SNX4: variants seen among roughly 807,000 people sequenced by gnomAD.
SNX4 encodes sorting nexin 4, also known as sorting nexin-4.
Under a neutral mutation model 70.8 loss-of-function variants are expected in SNX4, and 49 were observed. That is an observed-to-expected ratio of 0.69 (90% CI 0.55 to 0.88). The LOEUF (loss-of-function observed/expected upper bound fraction) is 0.88. Among genes scored for constraint, SNX4 ranks in the 40% least tolerant of loss-of-function variants. The probability of loss-of-function intolerance (pLI) is 0.00; values close to 1 mark genes in which losing one functional copy is unlikely to be tolerated. For missense variants in SNX4, 528 were observed against 544.8 expected, an observed-to-expected ratio of 0.97 and a Z score of 0.31; for synonymous variants, 206 against 183.8, an observed-to-expected ratio of 1.12 and a Z score of -0.98.
chr3:125,449,638 G>A (rs1933525046), intron 13 of SNX4, among the ~76,000 whole-genome samples: 1 of 152,086 alleles, frequency 6.6e-6, no homozygotes, highest in African/African-American at 2.4e-5. Context: ...TAAACTTTTT[G>A]TTTTACTAGT....
Position 125,480,273 on chromosome 3 carries a change from T to C in SNX4, c.700A>G (p.Ile234Val). The change falls in exon 7 of 14, where the codon ATC becomes GTC. Residue 234 changes from isoleucine (I) to valine (V), a missense_variant. This residue lies in a region of SNX4 where 341 missense variants were observed against 312.2 expected (regional missense o/e 1.09). Coordinates refer to ENST00000251775, the MANE Select transcript of SNX4 (RefSeq NM_003794.4). ...GCTCTGACTCGAAGAAGATGTGAGA[T>C]GACAGACTGCAGTTCATCACTATAG... ...KHYSDELQSVISHLLRVRARV... is the reference protein window; with the variant it reads ...KHYSDELQSVVSHLLRVRARV... 2 of 1,568,932 alleles carry C rather than the reference T, an allele frequency of 1.3e-6. No homozygotes were observed. Among genetic ancestry groups the C allele is most frequent in the Admixed American group, 1.8e-5 (1 of 55,112 alleles).
At chr3:125,487,134 T>A (rs1934549427) in intron 6 of SNX4, among the ~76,000 whole-genome samples, 1 of 152,008 alleles carries the variant, frequency 6.6e-6, no homozygotes, top group Non-Finnish European at 1.5e-5. Flanking sequence ...CAAAACTATT[T>A]TAGTAATATA....
rs71148180 is a variant in SNX4 at position 125,458,814 on chromosome 3, C to CAAA, written c.945-1452_945-1450dup. Among the ~76,000 whole-genome samples, 42 of 64,518 alleles carry CAAA rather than the reference C, an allele frequency of 6.5e-4. 3 individuals carry two copies. The highest frequency in any genetic ancestry group is 2.4e-3 in the African/African-American group (38 of 15,858). 42.3% of individuals were successfully genotyped at this position (64,518 alleles called of 152,430 possible). ...TGGGTGAAAGAGCGAGACTCCGTCT[C>CAAA]AAAAAAAAAAAAAAAAAAAAAAAAA... is the stretch of plus-strand genomic sequence containing the variant. On this transcript the variant is annotated intron_variant, in intron 10 of 13. Transcript: ENST00000251775.
At chr3:125,482,009 C>T (rs772513389) in intron 6 of SNX4, among the ~76,000 whole-genome samples, 7 of 152,232 alleles carry the variant, frequency 4.6e-5, no homozygotes, top group African/African-American at 7.2e-5. Context: ...GCTGAGACTA[C>T]ATATGGGCAT....
intron 8 of SNX4, among the ~76,000 whole-genome samples, chr3:125,473,318 A>G (rs1264501323): frequency 1.3e-5 from 2 of 152,048 alleles, no homozygotes; most frequent in Non-Finnish European, 2.9e-5. Context: ...TTATTCCTAG[A>G]TCACTAGGAC....
At chr3:125,470,530 T>C (rs1040452768) in intron 8 of SNX4, among the ~76,000 whole-genome samples, 6 of 151,332 alleles carry the variant, frequency 4.0e-5, no homozygotes, top group Non-Finnish European at 7.4e-5. Context: ...TGTGTACAAT[T>C]TCAGAGACTT....
At position 125,457,310 on chromosome 3, in the gene SNX4, C is replaced by A; in HGVS notation, c.1000G>T (p.Asp334Tyr). The part of the protein sequence containing the change: ...MQYDLEMAAQ[D>Y]LASKKQQCEE... ...CACTGCTGCTTCTTGGATGCTAAGT[C>A]CTGAGCAGCCATCTCCAAGTCATAC... The change falls in exon 11 of 14, where the codon GAC (aspartate) becomes TAC (tyrosine). Residue 334 changes from aspartate to tyrosine, a missense_variant. Transcript: ENST00000251775. 1 of 1,614,038 alleles carries A rather than the reference C, an allele frequency of 6.2e-7. No individual in the cohort carries two copies. The highest frequency in any genetic ancestry group is 8.5e-7 in the Non-Finnish European group (1 of 1,179,940).
chr3:125,516,431 T>C (rs1935278737), intron 1 of SNX4, among the ~76,000 whole-genome samples: 2 of 152,234 alleles, frequency 1.3e-5, no homozygotes, highest in African/African-American at 4.8e-5. Flanking sequence ...TAAAGAATCC[T>C]GATCAGTGGT....
chr3:125,485,151 T>C (rs368660674), intron 6 of SNX4, among the ~76,000 whole-genome samples: 1 of 152,014 alleles, frequency 6.6e-6, no homozygotes, highest in South Asian at 2.1e-4. Context: ...GAGGCTGAGA[T>C]GGGAGGATCA....
intron 7 of SNX4, among the ~76,000 whole-genome samples, chr3:125,477,471 C>T (rs1229762466): frequency 6.6e-6 from 1 of 152,042 alleles, no homozygotes; most frequent in Admixed American, 6.6e-5. Flanking sequence ...TTTACGTTCC[C>T]CCAAAGCATT....
intron 1 of SNX4, among the ~76,000 whole-genome samples, chr3:125,506,662 A>C (rs900891417): frequency 1.3e-5 from 2 of 151,302 alleles, no homozygotes; most frequent in Non-Finnish European, 3.0e-5. Context: ...ATGTTGTCCA[A>C]GCTTGTCTTG....
chr3:125,509,994 G>A (rs927622026), intron 1 of SNX4, among the ~76,000 whole-genome samples: 9 of 152,100 alleles, frequency 5.9e-5, no homozygotes, highest in Non-Finnish European at 1.0e-4. Context: ...TGGAACCCTC[G>A]TGCCCTATTG....
At position 125,448,564 on chromosome 3, in the gene SNX4, C is replaced by T. The variant is rs150760725; in HGVS notation, c.1306-738G>A. ...TAATTATGTACTAAATTACTGAATC[C>T]CTCTTAGTACCTGAAGTTACTTAGC... On this transcript the variant is annotated intron_variant, in intron 13 of 13. Transcript: ENST00000251775. 1.7e-3 allele frequency among the ~76,000 whole-genome samples: 258 copies of T among 151,818 alleles called. 1 individual carries two copies. The highest frequency in any genetic ancestry group is 5.7e-3 in the African/African-American group (235 of 41,454).
chr3:125,447,896 G>C, intron 13 of SNX4, 70 bp from the exon 14 acceptor site: 1 of 950,922 alleles, frequency 1.1e-6, no homozygotes, highest in South Asian at 1.6e-5. Flanking sequence ...ACTTGGCTTA[G>C]TGGTACACTA....
chr3:125,500,442 T>C (rs1453049882), intron 2 of SNX4, among the ~76,000 whole-genome samples: 1 of 152,174 alleles, frequency 6.6e-6, no homozygotes, highest in Non-Finnish European at 1.5e-5. Flanking sequence ...TATTCAATCT[T>C]AGCCCACTAA....
chr3:125,519,030 T>A (rs73191142), intron 1 of SNX4, among the ~76,000 whole-genome samples: 10,402 of 150,940 alleles, frequency 0.069, 407 homozygotes, highest in East Asian at 0.11. Context: ...ATAAATAAAT[T>A]AATTAATTAA....
At chr3:125,451,595 A>T (rs1042069506) in intron 12 of SNX4, among the ~76,000 whole-genome samples, 176 bp from the exon 13 acceptor site, 1 of 152,120 alleles carries the variant, frequency 6.6e-6, no homozygotes, top group Non-Finnish European at 1.5e-5. Flanking sequence ...AAAAGCAAAC[A>T]GACAGTCATA....
intron 9 of SNX4, among the ~76,000 whole-genome samples, chr3:125,468,334 C>G (rs1036907250): frequency 2.6e-5 from 4 of 152,242 alleles, no homozygotes; most frequent in Middle Eastern, 3.4e-3. Context: ...ACACCAAATC[C>G]CCATGTCAGG....
chr3:125,503,171 T>C (rs762225189), intron 2 of SNX4, among the ~76,000 whole-genome samples: 5 of 152,220 alleles, frequency 3.3e-5, no homozygotes, highest in South Asian at 2.1e-4. Context: ...CCTCCCAAAG[T>C]GCGGAGATTA....
Sources: gnomAD v4.1 joint callset for allele counts (sites outside exome capture counted in the v4.1 genomes callset) on GRCh38, gnomAD v4.1.1 for gene constraint, gnomAD v4.1.1 regional missense constraint, MANE v1.5 for transcripts, NCBI Gene and HGNC (gene_info 2026-07-23, HGNC 2026-07-21) for gene names.